Variants in BLTP3B observed in about 807,000 individuals in gnomAD.
The protein encoded by BLTP3B is UHRF1 (ICBP90) binding protein 1-like.
chr12:100,044,440 C>A, the BLTP3B span, among the ~76,000 whole-genome samples: 349 of 152,290 alleles, frequency 2.3e-3, 7 homozygotes, highest in East Asian at 0.039. Flanking sequence ...ATGCACATGT[C>A]ATTCCCTCAA....
chr12:100,051,101 G>A, the BLTP3B span: 1 of 1,613,724 alleles, frequency 6.2e-7, no homozygotes, highest in South Asian at 1.1e-5. Flanking sequence ...ATTTTCCTGA[G>A]CACCCTCTGA....
At chr12:100,067,772 T>C in the BLTP3B span, among the ~76,000 whole-genome samples, 1 of 150,708 alleles carries the variant, frequency 6.6e-6, no homozygotes, top group Non-Finnish European at 1.5e-5. Context: ...ACCAAGGAAG[T>C]AAAAGACCTC....
At chr12:100,117,099 A>T in the BLTP3B span, among the ~76,000 whole-genome samples, 1 of 152,240 alleles carries the variant, frequency 6.6e-6, no homozygotes, top group Non-Finnish European at 1.5e-5. Flanking sequence ...TGGAGAAAAT[A>T]GAGAAATCTT....
the BLTP3B span, among the ~76,000 whole-genome samples, chr12:100,091,997 T>G: frequency 9.9e-5 from 15 of 151,154 alleles, no homozygotes; most frequent in African/African-American, 3.7e-4. Flanking sequence ...TTTGTACAGA[T>G]GGGGTTTCAC....
At chr12:100,122,847 G>A in the BLTP3B span, among the ~76,000 whole-genome samples, 2 of 152,054 alleles carry the variant, frequency 1.3e-5, no homozygotes, top group Non-Finnish European at 2.9e-5. Context: ...AGGATCCCTT[G>A]CCTTCTCTCC....
At chr12:100,074,779 A>T in the BLTP3B span, among the ~76,000 whole-genome samples, 10 of 152,156 alleles carry the variant, frequency 6.6e-5, no homozygotes, top group Non-Finnish European at 1.3e-4. Flanking sequence ...AGCTGGAGAC[A>T]TTACATAACT....
the BLTP3B span, chr12:100,058,277 CTTT>C: frequency 6.2e-7 from 1 of 1,613,574 alleles, no homozygotes; most frequent in African/African-American, 1.3e-5. Context: ...AAAATGAATC[CTTT>C]TTGTCACTTG....
At chr12:100,088,242 A>G in the BLTP3B span, among the ~76,000 whole-genome samples, 2 of 152,016 alleles carry the variant, frequency 1.3e-5, no homozygotes, top group Non-Finnish European at 2.9e-5. Flanking sequence ...AAGTTTGAGA[A>G]TTATAGTCCT....
the BLTP3B span, among the ~76,000 whole-genome samples, chr12:100,121,689 CGTGGTGGCGCCCGCCTAT>C: frequency 1.3e-5 from 2 of 151,818 alleles, no homozygotes; most frequent in East Asian, 3.9e-4. Flanking sequence ...AATTAGCGGG[CGTGGTGGCGCCCGCCTAT>C]AAGCCCAGCT....
At chr12:100,089,715 G>T in the BLTP3B span, among the ~76,000 whole-genome samples, 1 of 152,252 alleles carries the variant, frequency 6.6e-6, no homozygotes, top group African/African-American at 2.4e-5. Flanking sequence ...CTTAAAGGCA[G>T]TTTATTTGAA....
At chr12:100,132,151 A>G in the BLTP3B span, among the ~76,000 whole-genome samples, 1 of 152,366 alleles carries the variant, frequency 6.6e-6, no homozygotes, top group Non-Finnish European at 1.5e-5. Context: ...TTTAAAACAC[A>G]TGTAATTGAT....
chr12:100,088,285 A>G, the BLTP3B span, among the ~76,000 whole-genome samples: 10,432 of 152,152 alleles, frequency 0.069, 392 homozygotes, highest in South Asian at 0.089. Context: ...CTCAACCCCA[A>G]CACTTCTGGG....
chr12:100,089,346 G>A, the BLTP3B span, among the ~76,000 whole-genome samples: 1 of 152,098 alleles, frequency 6.6e-6, no homozygotes, highest in Non-Finnish European at 1.5e-5. Context: ...ATCATCTGAG[G>A]TCAGGAGTTC....
the BLTP3B span, chr12:100,059,051 C>T: frequency 6.2e-7 from 1 of 1,614,116 alleles, no homozygotes; most frequent in Non-Finnish European, 8.5e-7. Context: ...GATTACAAGT[C>T]TGCGGCTCTT....
the BLTP3B span, among the ~76,000 whole-genome samples, chr12:100,079,152 T>C: frequency 1.3e-5 from 2 of 152,174 alleles, no homozygotes; most frequent in East Asian, 3.9e-4. Flanking sequence ...ATACAGTAAA[T>C]TGGTACTAGT....
the BLTP3B span, among the ~76,000 whole-genome samples, chr12:100,100,927 A>C: frequency 6.6e-6 from 1 of 152,174 alleles, no homozygotes; most frequent in South Asian, 2.1e-4. Flanking sequence ...CATATGTCAA[A>C]ATATGAGGAT....
the BLTP3B span, chr12:100,039,540 C>A: frequency 1.4e-6 from 2 of 1,477,358 alleles, no homozygotes. Flanking sequence ...CTATTAGTAT[C>A]TTAATACCTA....
At chr12:100,054,741 A>G in the BLTP3B span, among the ~76,000 whole-genome samples, 1 of 152,138 alleles carries the variant, frequency 6.6e-6, no homozygotes, top group Non-Finnish European at 1.5e-5. Context: ...TTGTTTATGT[A>G]TGGTACACAT....
the BLTP3B span, among the ~76,000 whole-genome samples, chr12:100,055,878 C>A: frequency 1.3e-5 from 2 of 152,082 alleles, no homozygotes; most frequent in Non-Finnish European, 2.9e-5. Context: ...TGAATTTAAA[C>A]CACTAATTAG....
Sources: allele counts gnomAD v4.1 joint callset (sites outside exome capture counted in the v4.1 genomes callset), GRCh38; gene constraint gnomAD v4.1.1; transcripts MANE v1.5; gene names NCBI Gene and HGNC (gene_info 2026-07-23, HGNC 2026-07-21).